Variants in TERF2 observed in about 807,000 individuals in gnomAD.
TERF2 encodes telomeric repeat binding factor 2.
TERF2 carries 16 observed loss-of-function variants against 56.1 expected under a neutral mutation model. The observed-to-expected ratio is 0.29, with a 90% CI of 0.19 to 0.43. TERF2 has a LOEUF of 0.43. Among genes scored for constraint, TERF2 ranks in the 20% least tolerant of loss-of-function variants. The pLI is 1.00. For synonymous variants in TERF2, 296 were observed against 282.1 expected (o/e 1.05, Z -0.50); for missense variants, 547 against 712.9 (o/e 0.77, Z 2.65).
At chr16:69,374,835 C>T (rs115764640) in intron 3 of TERF2, among the ~76,000 whole-genome samples, 3,190 of 151,522 alleles carry the variant, frequency 0.021, 117 homozygotes, top group African/African-American at 0.073. Context: ...CATGGTAGTG[C>T]GCACCTGTAG....
At chr16:69,366,625 G>A in intron 7 of TERF2, 182 bp downstream of exon 7, 1 of 756,072 alleles carries the variant, frequency 1.3e-6, no homozygotes, top group Non-Finnish European at 2.0e-6. Flanking sequence ...CACATGCGGG[G>A]CTTCAGAACC....
At chr16:69,367,458 G>A (rs2013395466) in intron 6 of TERF2, among the ~76,000 whole-genome samples, 1 of 152,074 alleles carries the variant, frequency 6.6e-6, no homozygotes, top group African/African-American at 2.4e-5. Flanking sequence ...CACAAACACA[G>A]CTCACTGTAT....
intron 4 of TERF2, 34 bp downstream of exon 4, chr16:69,372,235 T>G (rs1307575114): frequency 6.8e-7 from 1 of 1,478,066 alleles, no homozygotes; most frequent in Non-Finnish European, 9.3e-7. Flanking sequence ...TGAGATGAAT[T>G]TAAGTCACAG....
intron 5 of TERF2, among the ~76,000 whole-genome samples, chr16:69,369,433 G>A (rs1296627945): frequency 1.3e-5 from 2 of 152,052 alleles, no homozygotes; most frequent in Non-Finnish European, 2.9e-5. Flanking sequence ...CAAGTAGCTG[G>A]GACTACAGGC....
In TERF2 at chr16:69,385,730, G is replaced by C. The variant is rs779098904; in HGVS notation, c.242C>G (p.Ala81Gly). The change falls in exon 1 of 10, where the codon GCG becomes GGG. Residue 81 changes from alanine to glycine, a missense_variant. Ala to Gly is a moderately conservative substitution (Grantham distance 60). Coordinates refer to ENST00000254942, the MANE Select transcript of TERF2 (RefSeq NM_005652.5). ...GRHEPGLGGP[A>G]ERGAGEARLE... ...CCGTGCCTCCCCCGCGCCGCGCTCCGCCGGGCCCCCCAGCCCCGGCTCGTG... is the reference window on the plus strand; with the variant it reads ...CCGTGCCTCCCCCGCGCCGCGCTCCCCCGGGCCCCCCAGCCCCGGCTCGTG... 9.6e-6 allele frequency: 15 copies of C among 1,557,056 alleles called. No homozygotes were observed. Among genetic ancestry groups the C allele is most frequent in the Admixed American group, 7.5e-5 (4 of 53,202 alleles).
At chr16:69,373,765 C>T (rs1407448497) in intron 3 of TERF2, among the ~76,000 whole-genome samples, 5 of 152,044 alleles carry the variant, frequency 3.3e-5, no homozygotes, top group Admixed American at 2.0e-4. Context: ...TCTGGGAGAT[C>T]GGGGCTGCAG....
intron 3 of TERF2, among the ~76,000 whole-genome samples, chr16:69,384,081 T>G (rs2014098525): frequency 6.6e-6 from 1 of 152,224 alleles, no homozygotes; most frequent in Non-Finnish European, 1.5e-5. Flanking sequence ...TCTATCATTC[T>G]TCTACCATTA....
intron 3 of TERF2, among the ~76,000 whole-genome samples, chr16:69,376,125 T>A (rs2013770176): frequency 6.6e-6 from 1 of 152,214 alleles, no homozygotes; most frequent in Admixed American, 6.5e-5. Context: ...TATCTAAGAT[T>A]TTTTTGCCTA....
At chr16:69,374,599 G>A (rs1597254268) in intron 3 of TERF2, among the ~76,000 whole-genome samples, 3 of 123,142 alleles carry the variant, frequency 2.4e-5, no homozygotes, top group African/African-American at 9.3e-5. Flanking sequence ...CTCCAGCCTG[G>A]GCAGTAAAGC....
At position 69,368,487 on chromosome 16, in the gene TERF2, G is replaced by A. The variant is rs2013435989; in HGVS notation, c.841-5C>T. On this transcript the variant is annotated splice_region_variant and splice_polypyrimidine_tract_variant and intron_variant, in intron 5 of 9. Transcript: ENST00000254942. ...TTTCAAAGCCTTTTTGGCCATCTGG[G>A]AAAGGAAGGATGTCATCAGGAAGAA... The A allele has an allele frequency of 1.9e-6, 3 of 1,613,888 alleles. No individual in the cohort carries two copies. The highest frequency in any genetic ancestry group is 1.7e-5 in the Admixed American group (1 of 59,992).
intron 7 of TERF2, among the ~76,000 whole-genome samples, chr16:69,362,607 C>T (rs150449637): frequency 3.9e-5 from 6 of 152,248 alleles, no homozygotes; most frequent in African/African-American, 1.2e-4. Flanking sequence ...GAACATGAAA[C>T]GTTAAATGCT....
Position 69,385,737 on chromosome 16 carries a change from C to A in TERF2, c.235G>T (p.Gly79Cys), listed in dbSNP as rs748452006. ...TCCCCCGCGCCGCGCTCCGCCGGGC[C>A]CCCCAGCCCCGGCTCGTGGCGCCCC... ...RRGRHEPGLG[G>C]PAERGAGEAR... Residue 79 changes from glycine to cysteine, a missense_variant, in exon 1 of 10, where the codon GGC becomes TGC. By Grantham distance (159) the Gly-to-Cys change is radical. Around this residue, in one of 6 missense-constraint regions of TERF2, gnomAD observed 120 missense variants for 172.4 expected, o/e 0.70. Coordinates refer to ENST00000254942, the MANE Select transcript of TERF2 (RefSeq NM_005652.5). 3 of 1,512,930 alleles carry A rather than the reference C, an allele frequency of 2.0e-6. No homozygotes were observed. The highest frequency in any genetic ancestry group is 2.6e-6 in the Non-Finnish European group (3 of 1,135,364). The allele number at this position is 1,512,930 out of a possible 1,614,324, so 93.7% of individuals were successfully genotyped here.
At chr16:69,371,442 A>G (rs1181676978) in intron 4 of TERF2, among the ~76,000 whole-genome samples, 3 of 148,894 alleles carry the variant, frequency 2.0e-5, no homozygotes, top group African/African-American at 7.4e-5. Flanking sequence ...TGGAAGTTGC[A>G]GTGAGCCAAG....
intron 7 of TERF2, among the ~76,000 whole-genome samples, chr16:69,362,889 C>T (rs545609608): frequency 5.9e-5 from 9 of 152,068 alleles, no homozygotes; most frequent in East Asian, 5.8e-4. Flanking sequence ...ATTCTTCACC[C>T]GCCATGAAGA....
rs189564272 is a variant in TERF2, at chr16:69,361,457, C to T, written c.1373G>A (p.Gly458Glu). 4 of 1,614,062 alleles carry T rather than the reference C, an allele frequency of 2.5e-6. No homozygotes were observed. In the East Asian group the frequency reaches 8.9e-5, roughly 36 times the overall value. Reference protein sequence around the residue: ...VPKGKWNSSNGVEEKETWVEE... With the variant: ...VPKGKWNSSNEVEEKETWVEE... ...CACCCAAGTCTCCTTTTCTTCAACC[C>T]CATTAGAGCTGTTCCACTTGCCTTT... Residue 458 changes from glycine to glutamate, a missense_variant, in exon 8 of 10, where the codon GGG (glycine) becomes GAG (glutamate). Coordinates refer to ENST00000254942, the MANE Select transcript of TERF2 (RefSeq NM_005652.5).
At position 69,356,331 on chromosome 16, in the gene TERF2, C is replaced by A; in HGVS notation, c.*567G>T. 2.6e-6 allele frequency: 1 copy of A among 383,290 alleles called. No individual in the cohort carries two copies. Among genetic ancestry groups the A allele is most frequent in the South Asian group, 1.9e-5 (1 of 51,524 alleles). The allele number at this position is 383,290 out of a possible 1,614,324, so 23.7% of individuals were successfully genotyped here. On this transcript the variant is annotated 3_prime_UTR_variant, in exon 10 of 10. Coordinates refer to ENST00000254942, the MANE Select transcript of TERF2 (RefSeq NM_005652.5). ...TAAGCAAACCACTAAAGAAGGGAAA[C>A]GCTAATGATATTCTGGCACTGCACA...
rs2013133991 is a variant in TERF2 at position 69,361,406 on chromosome 16, T to C, written c.1424A>G (p.Gln475Arg). The change falls in exon 8 of 10, where the codon CAG becomes CGG. Residue 475 changes from glutamine (Q) to arginine (R), a missense_variant and splice_region_variant. Physicochemically the swap from Gln to Arg is conservative, Grantham distance 43 (BLOSUM62 1). This residue lies in a region of TERF2 where 211 missense variants were observed against 236.8 expected (regional missense o/e 0.89). Transcript: ENST00000254942. ...GCCAAGGAGAATCTTCTGCTTACCC[T>C]GAACTTGAAACAGTTCATCCTCTTC... is the stretch of plus-strand genomic sequence containing the variant. ...WVEEDELFQV[Q>R]AAPDEDSTTN... 1.9e-6 allele frequency: 3 copies of C among 1,611,090 alleles called. No homozygotes were observed. Among genetic ancestry groups the C allele is most frequent in the Non-Finnish European group, 2.5e-6 (3 of 1,177,340 alleles).
chr16:69,377,865 G>A (rs1264002445), intron 3 of TERF2, among the ~76,000 whole-genome samples: 1 of 150,792 alleles, frequency 6.6e-6, no homozygotes, highest in Non-Finnish European at 1.5e-5. Flanking sequence ...TATACTTCAT[G>A]AGATTTCTAC....
intron 8 of TERF2, among the ~76,000 whole-genome samples, chr16:69,359,441 T>A (rs1003096642): frequency 2.7e-5 from 4 of 149,042 alleles, no homozygotes; most frequent in Non-Finnish European, 5.9e-5. Flanking sequence ...GGCAGGAGAA[T>A]CACTTGAACC....
Sources: gnomAD v4.1 joint callset for allele counts (sites outside exome capture counted in the v4.1 genomes callset) on GRCh38, gnomAD v4.1.1 for gene constraint, gnomAD v4.1.1 regional missense constraint, MANE v1.5 for transcripts, NCBI Gene and HGNC (gene_info 2026-07-23, HGNC 2026-07-21) for gene names.